Variants in SYT14 observed in about 807,000 individuals in gnomAD.
SYT14 encodes synaptotagmin 14, also known as synaptotagmin-14.
Under a neutral mutation model 74.2 loss-of-function variants are expected in SYT14, and 32 were observed. The observed-to-expected ratio is 0.43, with a 90% CI of 0.33 to 0.58. The LOEUF (loss-of-function observed/expected upper bound fraction) is 0.58, where lower values mean the gene tolerates loss of function less well. Among genes scored for constraint, SYT14 ranks in the 20% least tolerant of loss-of-function variants. The pLI, the probability that SYT14 is intolerant of heterozygous loss-of-function variation, is 0.05. For synonymous variants in SYT14, 298 were observed against 337.7 expected, an observed-to-expected ratio of 0.88 and a Z score of 1.29; for missense variants, 791 against 981.8, an observed-to-expected ratio of 0.81 and a Z score of 2.60.
rs1553272603 is a variant in SYT14, at chr1:210,059,451, T to TAGAGAGAGAG, written c.1313-34843_1313-34834dup. Among the ~76,000 whole-genome samples the TAGAGAGAGAG allele has an allele frequency of 4.2e-3, 292 of 69,880 alleles. 6 individuals carry two copies. The highest frequency in any genetic ancestry group is 0.012 in the Middle Eastern group (1 of 86). The allele number at this position is 69,880 out of a possible 152,430, so 45.8% of individuals were successfully genotyped here. On this transcript the variant is annotated intron_variant, in intron 5 of 9. Transcript: ENST00000637265. ...GAATATATATATATATATATATATA[T>TAGAGAGAGAG]AGAGAGAGAGAGAGAGAGAGAGAGA...
At chr1:210,081,020 G>C (rs2081605894) in intron 5 of SYT14, among the ~76,000 whole-genome samples, 1 of 152,154 alleles carries the variant, frequency 6.6e-6, no homozygotes, top group African/African-American at 2.4e-5. Context: ...CACAGGCCAA[G>C]GGAAGGGCAT....
At position 210,036,072 on chromosome 1, in the gene SYT14, C is replaced by T. The variant is rs184976792; in HGVS notation, c.1312+14818C>T. 4.5e-3 allele frequency among the ~76,000 whole-genome samples: 682 copies of T among 152,014 alleles called. 7 individuals carry two copies. Among genetic ancestry groups the T allele is most frequent in the Non-Finnish European group, 5.8e-3 (394 of 67,852 alleles). ...TCTCTCCATTTGTTGGTATCATTGA[C>T]GGTTTCTTTCATTAGTGTTTGGTAG... On this transcript the variant is annotated intron_variant, in intron 5 of 9. Coordinates refer to ENST00000637265, the Ensembl canonical transcript of SYT14.
chr1:210,106,270 A>G (rs2082156038), intron 7 of SYT14, among the ~76,000 whole-genome samples: 1 of 152,128 alleles, frequency 6.6e-6, no homozygotes, highest in Non-Finnish European at 1.5e-5. Flanking sequence ...TGCATGCCCA[A>G]AGACAGTCTT....
intron 5 of SYT14, among the ~76,000 whole-genome samples, chr1:210,064,713 C>T (rs530719638): frequency 2.0e-5 from 3 of 152,004 alleles, no homozygotes; most frequent in Non-Finnish European, 4.4e-5. Context: ...GTGAATAATA[C>T]TACTATAAAC....
chr1:209,938,738 G>C (rs1378673694), intron 1 of SYT14, among the ~76,000 whole-genome samples: 1 of 152,044 alleles, frequency 6.6e-6, no homozygotes, highest in Non-Finnish European at 1.5e-5. Context: ...CAAACTGAGA[G>C]TCCAGTTTTT....
intron 7 of SYT14, among the ~76,000 whole-genome samples, chr1:210,129,558 G>A (rs1235709610): frequency 1.3e-5 from 2 of 152,158 alleles, no homozygotes; most frequent in African/African-American, 4.8e-5. Context: ...GGATGCTAGG[G>A]ACATAACCAG....
At chr1:210,061,218 C>T (rs2081202292) in intron 5 of SYT14, among the ~76,000 whole-genome samples, 1 of 151,834 alleles carries the variant, frequency 6.6e-6, no homozygotes. Context: ...TTTGGTATGT[C>T]AGTAATACTG....
chr1:210,151,001 T>C lies in SYT14; in HGVS notation c.2035-4720T>C, dbSNP rs147266160. 1.3e-3 allele frequency among the ~76,000 whole-genome samples: 200 copies of C among 152,342 alleles called. 1 individual carries two copies. Among genetic ancestry groups the C allele is most frequent in the African/African-American group, 4.7e-3 (196 of 41,574 alleles). On this transcript the variant is annotated intron_variant, in intron 7 of 9. Transcript: ENST00000637265. ...ACTAATTCTGGTTATGGTAAACATATAGAGTATATTCATTCCTCTAAAAAT... is the reference window on the plus strand; with the variant it reads ...ACTAATTCTGGTTATGGTAAACATACAGAGTATATTCATTCCTCTAAAAAT...
At chr1:210,094,476 A>G in exon 6 of SYT14, 1 of 1,614,006 alleles carries the variant, frequency 6.2e-7, no homozygotes, top group Non-Finnish European at 8.5e-7. Context: ...ACAGTCCAAG[A>G]TGCTCATATA....
intron 5 of SYT14, among the ~76,000 whole-genome samples, chr1:210,038,913 TAG>T (rs1460123409): frequency 1.3e-5 from 2 of 152,226 alleles, no homozygotes; most frequent in East Asian, 3.9e-4. Flanking sequence ...ATGTATTTTC[TAG>T]AGTTTTCCGA....
chr1:210,035,388 T>C (rs2080637849), intron 5 of SYT14, among the ~76,000 whole-genome samples: 1 of 151,974 alleles, frequency 6.6e-6, no homozygotes, highest in Non-Finnish European at 1.5e-5. Context: ...GTGTTGATTG[T>C]TTTTTTGCTG....
At chr1:209,970,606 C>T (rs2079233944) in intron 2 of SYT14, among the ~76,000 whole-genome samples, 1 of 139,612 alleles carries the variant, frequency 7.2e-6, no homozygotes, top group Non-Finnish European at 1.5e-5. Flanking sequence ...TGAAGAATGA[C>T]ATTGGTAGTT....
intron 2 of SYT14, 121 bp downstream of exon 2, chr1:209,952,877 A>G: frequency 1.8e-6 from 2 of 1,136,062 alleles, no homozygotes; most frequent in South Asian, 2.6e-5. Flanking sequence ...GTAAATATTA[A>G]CATTTGTCTT....
chr1:210,094,761 G>A (rs1245321596), intron 6 of SYT14, among the ~76,000 whole-genome samples, 168 bp downstream of exon 5: 1 of 152,018 alleles, frequency 6.6e-6, no homozygotes, highest in African/African-American at 2.4e-5. Flanking sequence ...TATCAGGAAT[G>A]TCCCAACTAG....
At chr1:209,938,422 G>C (rs1223869189) in intron 1 of SYT14, 145 bp downstream of exon 1, 1 of 695,772 alleles carries the variant, frequency 1.4e-6, no homozygotes, top group African/African-American at 1.9e-5. Context: ...TCCTGGCCGC[G>C]TCTCGGGAGG....
At chr1:210,023,279 C>T (rs993757042) in intron 5 of SYT14, among the ~76,000 whole-genome samples, 6 of 151,928 alleles carry the variant, frequency 3.9e-5, no homozygotes, top group Non-Finnish European at 7.4e-5. Flanking sequence ...TGAGTATATA[C>T]GTAATATGAT....
chr1:210,133,494 A>C (rs2082718798), intron 7 of SYT14, among the ~76,000 whole-genome samples: 1 of 152,248 alleles, frequency 6.6e-6, no homozygotes, highest in African/African-American at 2.4e-5. Flanking sequence ...AGAGGACACC[A>C]GTAAATGCTT....
chr1:210,023,932 GAA>G (rs1439594631), intron 5 of SYT14, among the ~76,000 whole-genome samples: 2 of 152,166 alleles, frequency 1.3e-5, no homozygotes, highest in Non-Finnish European at 2.9e-5. Context: ...GGGATAGAGA[GAA>G]ATCCACTTGA....
At chr1:210,134,230 G>C (rs2082735329) in intron 7 of SYT14, among the ~76,000 whole-genome samples, 3 of 151,934 alleles carry the variant, frequency 2.0e-5, no homozygotes, top group Non-Finnish European at 2.9e-5. Flanking sequence ...AGCCTCCTGA[G>C]TAGCTGAGAC....
Sources: allele counts gnomAD v4.1 joint callset (sites outside exome capture counted in the v4.1 genomes callset), GRCh38; gene constraint gnomAD v4.1.1; transcripts MANE v1.5; gene names NCBI Gene and HGNC (gene_info 2026-07-23, HGNC 2026-07-21).